The following KIRREL3 variants were observed in gnomAD, a reference collection of about 807,000 sequenced individuals.
KIRREL3 encodes the protein kirre like nephrin family adhesion molecule 3.
In KIRREL3, 36 loss-of-function variants were observed where a neutral mutation model predicts 89.7. The observed-to-expected ratio is 0.40, with a 90% CI of 0.31 to 0.53. The LOEUF is 0.53. Among genes scored for constraint, KIRREL3 ranks in the 20% least tolerant of loss-of-function variants. KIRREL3 has a pLI of 0.49. For synonymous variants in KIRREL3, 445 were observed against 441.4 expected (o/e 1.01, Z -0.10); for missense variants, 864 against 1,056.6 (o/e 0.82, Z 2.53).
chr11:126,562,754 T>G lies in KIRREL3; in HGVS notation c.133+81A>C. ...CTGAGAGGTCCCAGGTTCTTATTCC[T>G]GGTTCCTCTGTCCTGTGGCTGTAGG... On this transcript the variant is annotated intron_variant, in intron 2 of 16. Transcript: ENST00000525144. The surrounding 1 kb of genome is among the most constrained non-coding windows in gnomAD (Gnocchi z 4.7). 1 of 1,216,558 alleles carries G rather than the reference T, an allele frequency of 8.2e-7. No individual in the cohort carries two copies. Among genetic ancestry groups the G allele is most frequent in the Non-Finnish European group, 1.2e-6 (1 of 828,506 alleles). The allele number at this position is 1,216,558 out of a possible 1,614,324, so 75.4% of individuals were successfully genotyped here. A position where few individuals can be genotyped will look rare whatever the true frequency, so the allele number is the denominator to read the frequency against.
Position 126,752,898 on chromosome 11 carries a change from T to G in KIRREL3, c.56-189986A>C, listed in dbSNP as rs1949380077. 6.6e-6 allele frequency among the ~76,000 whole-genome samples: 1 copy of G among 152,172 alleles called. No homozygotes were observed. The highest frequency in any genetic ancestry group is 1.5e-5 in the Non-Finnish European group (1 of 68,028). The stretch of plus-strand genomic sequence containing the variant: ...TTTGTATAAAACATGTGCCCTTTGT[T>G]GAAGGAAGTGGTAGCAGGCTGCCAT... On this transcript the variant is annotated intron_variant, in intron 1 of 16. Coordinates refer to ENST00000525144, the MANE Select transcript of KIRREL3 (RefSeq NM_032531.4). This position sits in a 1 kb window ranked among gnomAD's most constrained non-coding sequence, Gnocchi z 4.8.
Position 126,999,771 on chromosome 11 carries a change from G to T in KIRREL3, c.55+684C>A, listed in dbSNP as rs1950270237. Among the ~76,000 whole-genome samples, 1 of 152,164 alleles carries T rather than the reference G, an allele frequency of 6.6e-6. No homozygotes were observed. The highest frequency in any genetic ancestry group is 2.4e-5 in the African/African-American group (1 of 41,436). On this transcript the variant is annotated intron_variant, in intron 1 of 16. Transcript: ENST00000525144. The surrounding 1 kb of genome is among the most constrained non-coding windows in gnomAD (Gnocchi z 5.7). ...TTCCGGAGAGTCCACCTGCTTCTCT[G>T]CCCCTGCTAGGCTGCAGAAAGGAAA...
chr11:126,976,206 C>A lies in KIRREL3; in HGVS notation c.55+24249G>T, dbSNP rs1343462756. ...TAACACTCCTCCAATTAAGACCCTGCAATATACCTGACAGAGGAAAATTTG... is the reference window on the plus strand; with the variant it reads ...TAACACTCCTCCAATTAAGACCCTGAAATATACCTGACAGAGGAAAATTTG... On this transcript the variant is annotated intron_variant, in intron 1 of 16. Transcript: ENST00000525144. The surrounding 1 kb of genome is among the most constrained non-coding windows in gnomAD (Gnocchi z 4.2). 6.6e-6 allele frequency among the ~76,000 whole-genome samples: 1 copy of A among 151,984 alleles called. No homozygotes were observed. The highest frequency in any genetic ancestry group is 1.5e-5 in the Non-Finnish European group (1 of 68,010).
intron 1 of KIRREL3, among the ~76,000 whole-genome samples, chr11:126,602,631 C>T (rs1942710960): frequency 6.6e-6 from 1 of 152,176 alleles, no homozygotes. Flanking sequence ...GTCACAGTCC[C>T]ATCACAGAAA....
At chr11:126,604,871 A>G (rs1282258790) in intron 1 of KIRREL3, among the ~76,000 whole-genome samples, 1 of 152,218 alleles carries the variant, frequency 6.6e-6, no homozygotes, top group Non-Finnish European at 1.5e-5. Context: ...CTCACAGCAG[A>G]ATTATTTAAC....
At chr11:126,756,928 C>T (rs1946081) in intron 1 of KIRREL3, among the ~76,000 whole-genome samples, 127,339 of 152,186 alleles carry the variant, frequency 0.84, 53,415 homozygotes, top group East Asian at 1. Flanking sequence ...ACTCAAGACA[C>T]TGGTTTCTTT....
At chr11:126,979,687 T>C (rs1949672308) in intron 1 of KIRREL3, among the ~76,000 whole-genome samples, 1 of 152,114 alleles carries the variant, frequency 6.6e-6, no homozygotes, top group African/African-American at 2.4e-5. Flanking sequence ...GTCAGCAAAA[T>C]AGAAATAAGG....
intron 1 of KIRREL3, among the ~76,000 whole-genome samples, chr11:126,595,880 G>A (rs547645231): frequency 6.6e-6 from 1 of 152,290 alleles, no homozygotes; most frequent in East Asian, 1.9e-4. Context: ...AGCAGCACCT[G>A]GTTTTCAAAG....
At chr11:126,590,757 G>A (rs575913134) in intron 1 of KIRREL3, among the ~76,000 whole-genome samples, 1 of 152,146 alleles carries the variant, frequency 6.6e-6, no homozygotes, top group South Asian at 2.1e-4. Flanking sequence ...GGACACAGCT[G>A]GTAGTCTCTG....
chr11:126,615,346 C>T lies in KIRREL3; in HGVS notation c.56-52434G>A, dbSNP rs1943299526. On this transcript the variant is annotated intron_variant, in intron 1 of 16. Transcript: ENST00000525144. The surrounding 1 kb of genome is among the most constrained non-coding windows in gnomAD (Gnocchi z 5.4). ...ATTACTGTCATGAATGCCCACTATGCAGATCACTTTTCTTGCTTTATCTTG... is the reference window on the plus strand; with the variant it reads ...ATTACTGTCATGAATGCCCACTATGTAGATCACTTTTCTTGCTTTATCTTG... Among the ~76,000 whole-genome samples, 1 of 152,116 alleles carries T rather than the reference C, an allele frequency of 6.6e-6. No homozygotes were observed. The highest frequency in any genetic ancestry group is 2.1e-4 in the South Asian group (1 of 4,828).
chr11:126,945,885 T>A (rs1283108024), intron 1 of KIRREL3, among the ~76,000 whole-genome samples: 1 of 152,226 alleles, frequency 6.6e-6, no homozygotes, highest in African/African-American at 2.4e-5. Context: ...ACTTGAGGCC[T>A]ATTAAGGTCC....
At chr11:126,573,491 G>A (rs1045597116) in intron 1 of KIRREL3, among the ~76,000 whole-genome samples, 1 of 149,654 alleles carries the variant, frequency 6.7e-6, no homozygotes, top group Admixed American at 6.6e-5. Context: ...ACAGCAAGGA[G>A]GGAAAGTAGG....
rs1489043957 is a variant in KIRREL3 at position 126,954,788 on chromosome 11, A to T, written c.55+45667T>A. Reference sequence around the variant, plus strand: ...GCCTGGCTTACCCTTGAACAACTTTATCAGAAAGTTTTTTCTCATAGAAGG... The same window carrying T: ...GCCTGGCTTACCCTTGAACAACTTTTTCAGAAAGTTTTTTCTCATAGAAGG... On this transcript the variant is annotated intron_variant, in intron 1 of 16. Transcript: ENST00000525144. This position sits in a 1 kb window ranked among gnomAD's most constrained non-coding sequence, Gnocchi z 4.1. Among the ~76,000 whole-genome samples, 2 of 152,122 alleles carry T rather than the reference A, an allele frequency of 1.3e-5. No homozygotes were observed. Among genetic ancestry groups the T allele is most frequent in the Non-Finnish European group, 2.9e-5 (2 of 68,026 alleles).
intron 1 of KIRREL3, among the ~76,000 whole-genome samples, chr11:126,604,710 G>A (rs537647677): frequency 7.9e-5 from 12 of 152,322 alleles, no homozygotes; most frequent in African/African-American, 1.4e-4. Flanking sequence ...CTGAGGCTGC[G>A]CAGAATGGCC....
In KIRREL3 at chr11:126,568,359, T is replaced by C. The variant is rs1275920537; in HGVS notation, c.56-5447A>G. ...CCGCTGCCATACTCCAGGTGGGAGA[T>C]GGTGGGCTTGCATCTGCTGCTTCTT... On this transcript the variant is annotated intron_variant, in intron 1 of 16. Coordinates refer to ENST00000525144, the MANE Select transcript of KIRREL3 (RefSeq NM_032531.4). This position sits in a 1 kb window ranked among gnomAD's most constrained non-coding sequence, Gnocchi z 4.6. Among the ~76,000 whole-genome samples, 1 of 152,100 alleles carries C rather than the reference T, an allele frequency of 6.6e-6. No individual in the cohort carries two copies. The highest frequency in any genetic ancestry group is 1.9e-4 in the East Asian group (1 of 5,180).
In KIRREL3 at chr11:126,449,029, C is replaced by G; in HGVS notation, c.977G>C (p.Ser326Thr). The G allele has an allele frequency of 6.2e-7, 1 of 1,612,674 alleles. No individual in the cohort carries two copies. Among genetic ancestry groups the G allele is most frequent in the Non-Finnish European group, 8.5e-7 (1 of 1,178,838 alleles). Residue 326 changes from serine (S) to threonine (T), a missense_variant, in exon 8 of 17, where the codon AGC (serine) becomes ACC (threonine). Coordinates refer to ENST00000525144, the MANE Select transcript of KIRREL3 (RefSeq NM_032531.4). Reference protein sequence around the residue: ...VTNALGSTNLSRTVDVYFGPR... With the variant: ...VTNALGSTNLTRTVDVYFGPR... Reference sequence around the variant, plus strand: ...CTCACAGTAGACGTCAACCGTGCGGCTGAGGTTGGTGCTGCCCAGGGCGTT... The same window carrying G: ...CTCACAGTAGACGTCAACCGTGCGGGTGAGGTTGGTGCTGCCCAGGGCGTT...
Position 126,808,944 on chromosome 11 carries a change from C to G in KIRREL3, c.55+191511G>C, listed in dbSNP as rs1427236327. Reference sequence around the variant, plus strand: ...TGGACTGATTCTGCTTTATTCATAACTGTTTGAAAAATCTCTTGTTCTTTT... The same window carrying G: ...TGGACTGATTCTGCTTTATTCATAAGTGTTTGAAAAATCTCTTGTTCTTTT... On this transcript the variant is annotated intron_variant, in intron 1 of 16. Coordinates refer to ENST00000525144, the MANE Select transcript of KIRREL3 (RefSeq NM_032531.4). The surrounding 1 kb of genome is among the most constrained non-coding windows in gnomAD (Gnocchi z 4.1). Among the ~76,000 whole-genome samples, 1 of 152,120 alleles carries G rather than the reference C, an allele frequency of 6.6e-6. No homozygotes were observed. The highest frequency in any genetic ancestry group is 6.6e-5 in the Admixed American group (1 of 15,266).
At chr11:126,832,273 G>A (rs11220632) in intron 1 of KIRREL3, among the ~76,000 whole-genome samples, 38,426 of 152,054 alleles carry the variant, frequency 0.25, 4,913 homozygotes, top group Admixed American at 0.31. Context: ...CACACTGAGC[G>A]TCTACTAGTG....
At chr11:126,714,475 CGGA>C (rs2134154263) in intron 1 of KIRREL3, among the ~76,000 whole-genome samples, 1 of 152,262 alleles carries the variant, frequency 6.6e-6, no homozygotes, top group East Asian at 1.9e-4. Context: ...GATGGAGTCA[CGGA>C]GATGTGATGG....
Sources: allele counts gnomAD v4.1 joint callset (sites outside exome capture counted in the v4.1 genomes callset), GRCh38; gene constraint gnomAD v4.1.1; non-coding constraint Gnocchi (gnomAD v3.1); transcripts MANE v1.5; gene names NCBI Gene and HGNC (gene_info 2026-07-23, HGNC 2026-07-21).